TAFA1: variants seen among roughly 807,000 people sequenced by gnomAD.
TAFA1 encodes the protein TAFA chemokine like family member 1.
A neutral mutation model predicts 18.5 loss-of-function variants in TAFA1; 4 were observed. That is an observed-to-expected ratio of 0.22 (90% CI 0.11 to 0.49). The LOEUF is 0.49. Among genes scored for constraint, TAFA1 ranks in the 20% least tolerant of loss-of-function variants. TAFA1 has a pLI of 0.98. For synonymous variants in TAFA1, 56 were observed against 55.2 expected (o/e 1.01, Z -0.06); for missense variants, 147 against 169.0 (o/e 0.87, Z 0.72).
intron 2 of TAFA1, among the ~76,000 whole-genome samples, chr3:68,389,902 G>A (rs1430396911): frequency 6.6e-6 from 1 of 152,130 alleles, no homozygotes; most frequent in Non-Finnish European, 1.5e-5. Flanking sequence ...CACCACCAGG[G>A]CCCTGGGTTT....
chr3:68,161,202 G>T (rs765042588), intron 2 of TAFA1, among the ~76,000 whole-genome samples: 7 of 152,172 alleles, frequency 4.6e-5, no homozygotes, highest in Admixed American at 1.3e-4. Context: ...ATAACGCTAT[G>T]ATATGCTGGA....
At chr3:67,997,082 G>T in the TAFA1 span, among the ~76,000 whole-genome samples, 1 of 152,052 alleles carries the variant, frequency 6.6e-6, no homozygotes, top group Non-Finnish European at 1.5e-5. Flanking sequence ...AAAAAGGAAG[G>T]GGAAGGGAAA....
chr3:68,341,332 G>A (rs886547673), intron 2 of TAFA1, among the ~76,000 whole-genome samples: 2 of 152,030 alleles, frequency 1.3e-5, no homozygotes, highest in African/African-American at 4.8e-5. Context: ...TTCATAGGTG[G>A]GATCGCAGAA....
intron 2 of TAFA1, among the ~76,000 whole-genome samples, chr3:68,383,689 T>C (rs2070029831): frequency 6.6e-6 from 1 of 152,080 alleles, no homozygotes; most frequent in Non-Finnish European, 1.5e-5. Flanking sequence ...GAATGATGCT[T>C]ACCACATAGA....
intron 2 of TAFA1, among the ~76,000 whole-genome samples, chr3:68,210,463 G>T (rs2107065094): frequency 6.6e-6 from 1 of 152,022 alleles, no homozygotes; most frequent in Non-Finnish European, 1.5e-5. Context: ...ACTACCAAAG[G>T]GATCATATCC....
At chr3:68,152,891 T>C (rs1012192020) in intron 2 of TAFA1, among the ~76,000 whole-genome samples, 1 of 152,048 alleles carries the variant, frequency 6.6e-6, no homozygotes, top group Non-Finnish European at 1.5e-5. Context: ...CAGGGTGGCA[T>C]GCCCTGGGCA....
At chr3:68,322,785 A>T (rs2068715240) in intron 2 of TAFA1, among the ~76,000 whole-genome samples, 1 of 152,160 alleles carries the variant, frequency 6.6e-6, no homozygotes, top group Non-Finnish European at 1.5e-5. Context: ...TCTACTAAAA[A>T]TACAAAAATT....
intron 3 of TAFA1, among the ~76,000 whole-genome samples, chr3:68,487,806 C>CAAAAAAA (rs540869246): frequency 2.6e-4 from 25 of 97,548 alleles, no homozygotes; most frequent in African/African-American, 5.0e-4. Flanking sequence ...TTCTCTGTAC[C>CAAAAAAA]AAAAGAAAAA....
chr3:68,420,643 C>T (rs1367050808), intron 3 of TAFA1, among the ~76,000 whole-genome samples: 1 of 152,092 alleles, frequency 6.6e-6, no homozygotes, highest in Non-Finnish European at 1.5e-5. Context: ...TTGGGTCTAC[C>T]CATTTGTCAC....
chr3:68,279,135 C>A (rs945707278), intron 2 of TAFA1, among the ~76,000 whole-genome samples: 2 of 152,138 alleles, frequency 1.3e-5, no homozygotes, highest in Admixed American at 6.6e-5. Flanking sequence ...AGAACCAAGG[C>A]CTTCCTTGAC....
chr3:68,033,760 T>C (rs1704987567), intron 2 of TAFA1, among the ~76,000 whole-genome samples: 1 of 152,194 alleles, frequency 6.6e-6, no homozygotes, highest in African/African-American at 2.4e-5. Flanking sequence ...GTTTTCCCCA[T>C]CAAAAAATCC....
the TAFA1 span, among the ~76,000 whole-genome samples, chr3:67,993,139 C>T: frequency 6.6e-6 from 1 of 152,240 alleles, no homozygotes; most frequent in East Asian, 1.9e-4. Context: ...ACCTAGTCCA[C>T]AGGACCATCC....
chr3:68,026,144 G>C (rs990616913), intron 2 of TAFA1, among the ~76,000 whole-genome samples: 1 of 151,944 alleles, frequency 6.6e-6, no homozygotes, highest in African/African-American at 2.4e-5. Context: ...ACAGCCTTCA[G>C]CTCTTTGCTA....
chr3:68,489,576 G>T (rs1317120445), intron 3 of TAFA1, among the ~76,000 whole-genome samples: 1 of 152,088 alleles, frequency 6.6e-6, no homozygotes, highest in South Asian at 2.1e-4. Flanking sequence ...CTCATTTAGG[G>T]TCGTGTTCAA....
intron 3 of TAFA1, among the ~76,000 whole-genome samples, chr3:68,453,010 A>G (rs931438868): frequency 6.6e-6 from 1 of 152,206 alleles, no homozygotes; most frequent in Non-Finnish European, 1.5e-5. Context: ...AATTCATTTG[A>G]AACACTACAG....
rs140193373 is a variant in TAFA1, at chr3:68,462,244, G to A, written c.259+44824G>A. ...TAGATAACTGATATGGTTTGCCTGT[G>A]TCCCCACCCAAATCTCATCTTGTAG... On this transcript the variant is annotated intron_variant, in intron 3 of 4. Transcript: ENST00000478136. 1.0e-3 allele frequency among the ~76,000 whole-genome samples: 154 copies of A among 152,230 alleles called. No individual in the cohort carries two copies. In the East Asian group the frequency reaches 0.029, roughly 29 times the overall value.
At chr3:68,332,552 C>G (rs1401777221) in intron 2 of TAFA1, among the ~76,000 whole-genome samples, 1 of 152,076 alleles carries the variant, frequency 6.6e-6, no homozygotes, top group Non-Finnish European at 1.5e-5. Flanking sequence ...GAAACTCATG[C>G]AACTCAACAG....
chr3:68,262,396 A>G (rs1575723841), intron 2 of TAFA1, among the ~76,000 whole-genome samples: 1 of 138,672 alleles, frequency 7.2e-6, no homozygotes, highest in African/African-American at 2.7e-5. Context: ...TAGTGAGCAT[A>G]GTATCCAATA....
intron 2 of TAFA1, among the ~76,000 whole-genome samples, chr3:68,317,804 A>G (rs1358986793): frequency 2.0e-5 from 3 of 152,156 alleles, no homozygotes; most frequent in Admixed American, 1.3e-4. Flanking sequence ...TCTCTTCTGG[A>G]TCTGTCGAGG....
Sources: allele counts gnomAD v4.1 joint callset (sites outside exome capture counted in the v4.1 genomes callset), GRCh38; gene constraint gnomAD v4.1.1; transcripts MANE v1.5; gene names NCBI Gene and HGNC (gene_info 2026-07-23, HGNC 2026-07-21).